Variants in DDX3X observed in about 807,000 individuals in gnomAD.
DDX3X encodes ATP-dependent RNA helicase DDX3X.
In DDX3X, 4 loss-of-function variants were observed where a neutral mutation model predicts 52.7. The observed-to-expected ratio is 0.08, with a 90% CI of 0.04 to 0.17. The LOEUF (loss-of-function observed/expected upper bound fraction) is 0.17, where lower values mean the gene tolerates loss of function less well. DDX3X is among the 10% of genes least tolerant of loss of function. DDX3X has a pLI of 1.00. For missense variants in DDX3X, 222 were observed against 548.6 expected, an observed-to-expected ratio of 0.40 and a Z score of 5.95; for synonymous variants, 192 against 178.1, an observed-to-expected ratio of 1.08 and a Z score of -0.62.
intron 1 of DDX3X, chrX:41,334,861 C>A: frequency 1.5e-6 from 1 of 652,414 alleles, no homozygotes; most frequent in Non-Finnish European, 1.9e-6. Flanking sequence ...GGCGCTGTGG[C>A]TCACCTCCGG....
intron 3 of DDX3X, 108 bp from the exon 4 acceptor site, chrX:41,341,376 G>T: frequency 1.6e-6 from 1 of 616,978 alleles, no homozygotes. Context: ...CAGTGCCATG[G>T]TAGGGATAGT....
intron 14 of DDX3X, 93 bp downstream of exon 14, chrX:41,346,715 G>GAAAGTGACAAAGATTTTGCTC: frequency 1.1e-6 from 1 of 946,575 alleles, no homozygotes; most frequent in East Asian, 3.1e-5. Context: ...TTTTAACAAT[G>GAAAGTGACAAAGATTTTGCTC]AAAGTGACAA....
In DDX3X at chrX:41,356,454, C is replaced by CTTT. The variant is rs760583439; in HGVS notation, c.655-7799_655-7797dup. On this transcript the variant is annotated intron_variant, in intron 5 of 5. Coordinates refer to the DDX3X transcript ENST00000616050. ...GAGCCACCTCGCCTGGCCAGTATTT[C>CTTT]TTTTTTTTTTTTTTTTTTTTTTTGA... Among the ~76,000 whole-genome samples the CTTT allele has an allele frequency of 3.7e-3, 243 of 65,640 alleles. 6 individuals carry two copies. Among genetic ancestry groups the CTTT allele is most frequent in the African/African-American group, 7.8e-3 (114 of 14,589 alleles). The allele number at this position is 65,640 out of a possible 115,157, so 57.0% of individuals were successfully genotyped here.
chrX:41,341,722 G>T, intron 4 of DDX3X, 106 bp downstream of exon 4: 1 of 822,844 alleles, frequency 1.2e-6, no homozygotes, highest in African/African-American at 2.0e-5. Context: ...TTTGGTCATT[G>T]TATTTTCTTA....
chrX:41,364,254 T>C (rs767677075), intron 5 of DDX3X: 4 of 297,262 alleles, frequency 1.3e-5, no homozygotes, highest in Non-Finnish European at 2.4e-5. Context: ...CTTTTGGCTC[T>C]GCTCTTTTTT....
At chrX:41,339,864 A>AT (rs1569235104) in intron 3 of DDX3X, 2 of 108,257 alleles carry the variant, frequency 1.8e-5, no homozygotes, top group Non-Finnish European at 3.8e-5. Context: ...CTGGCAATGC[A>AT]TGGATATAAA....
intron 3 of DDX3X, chrX:41,341,075 TC>T (rs751844528): frequency 1.1e-4 from 21 of 183,302 alleles, no homozygotes; most frequent in African/African-American, 4.2e-4. Flanking sequence ...AACCTCAGCC[TC>T]CCGGGTTCAA....
At chrX:41,338,498 C>T (rs962380706) in intron 2 of DDX3X, 3 of 111,715 alleles carry the variant, frequency 2.7e-5, no homozygotes, top group African/African-American at 9.8e-5. Context: ...TACTCCTGCT[C>T]GCATACAGAG....
At chrX:41,345,047 A>G (rs910354767) in intron 10 of DDX3X, 133 bp from the exon 11 acceptor site, 6 of 613,531 alleles carry the variant, frequency 9.8e-6, no homozygotes, top group Non-Finnish European at 1.5e-5. Flanking sequence ...AGTGTGAGGC[A>G]CCATCTTAAT....
chrX:41,339,820 A>C (rs1480986803), intron 3 of DDX3X: 1 of 110,164 alleles, frequency 9.1e-6, no homozygotes, highest in Non-Finnish European at 1.9e-5. Flanking sequence ...CTGTTCCTCC[A>C]TCTCCATATG....
At position 41,342,812 on chromosome X, in the gene DDX3X, C is replaced by T. The variant is rs2063868685; in HGVS notation, c.519C>T (p.Asn173=). ...YDDIPVEATG[N]NCPPHIESFS... ...ACATTCCAGTTGAGGCAACAGGCAA[C>T]AACTGTCCTCCACATATTGAAAGTG... The change falls in exon 6 of 17, where the codon AAC becomes AAT. Residue 173 remains asparagine (N), a synonymous_variant. Transcript: ENST00000644876. 1 of 1,207,232 alleles carries T rather than the reference C, an allele frequency of 8.3e-7. No individual in the cohort carries two copies. Among genetic ancestry groups the T allele is most frequent in the Non-Finnish European group, 1.1e-6 (1 of 891,382 alleles).
intron 2 of DDX3X, chrX:41,337,947 A>C (rs11542970): frequency 9.0e-6 from 1 of 111,373 alleles, no homozygotes; most frequent in Non-Finnish European, 1.9e-5. Flanking sequence ...TTAACTGACT[A>C]TATTTATTAA....
intron 5 of DDX3X, among the ~76,000 whole-genome samples, chrX:41,360,016 T>C (rs1192749209): frequency 9.3e-6 from 1 of 108,105 alleles, no homozygotes; most frequent in Non-Finnish European, 1.9e-5. Context: ...AATACATAAA[T>C]AAATAAAACC....
chrX:41,361,444 G>A (rs1490725791), intron 5 of DDX3X, among the ~76,000 whole-genome samples: 4 of 110,631 alleles, frequency 3.6e-5, no homozygotes, highest in Non-Finnish European at 5.7e-5. Context: ...CCCGGGAGGC[G>A]GAGGTTGCGG....
At chrX:41,352,186 C>G (rs1193212537), downstream of DDX3X, among the ~76,000 whole-genome samples, 1 of 111,418 alleles carries the variant, frequency 9.0e-6, no homozygotes, top group Non-Finnish European at 1.9e-5. Context: ...TTTCCTCCCC[C>G]CTCTTCAAAG....
At chrX:41,356,033 C>T (rs1391026958) in intron 5 of DDX3X, among the ~76,000 whole-genome samples, 1 of 110,943 alleles carries the variant, frequency 9.0e-6, no homozygotes, top group Non-Finnish European at 1.9e-5. Flanking sequence ...CAAATATTTT[C>T]TCTCAATCAA....
intron 1 of DDX3X, chrX:41,334,567 G>C: frequency 1.8e-6 from 2 of 1,092,061 alleles, no homozygotes; most frequent in Non-Finnish European, 2.4e-6. Flanking sequence ...GGGGGAGGAA[G>C]TGCGCGCGCT....
Position 41,341,631 on chromosome X carries a change from A to G in DDX3X, c.284+15A>G. The G allele has an allele frequency of 8.3e-7, 1 of 1,204,449 alleles. No homozygotes were observed. The highest frequency in any genetic ancestry group is 1.1e-6 in the Non-Finnish European group (1 of 889,448). ...TCAAGGGGAAGGTAAGTGATTTCTTAATCACCTTACGTGTATGTATAATAA... is the reference window on the plus strand; with the variant it reads ...TCAAGGGGAAGGTAAGTGATTTCTTGATCACCTTACGTGTATGTATAATAA... On this transcript the variant is annotated intron_variant, in intron 4 of 16. Transcript: ENST00000644876.
At chrX:41,346,047 T>C (rs1211686681) in intron 12 of DDX3X, among the ~76,000 whole-genome samples, 182 bp from the exon 13 acceptor site, 1 of 111,189 alleles carries the variant, frequency 9.0e-6, no homozygotes, top group Non-Finnish European at 1.9e-5. Context: ...GACCCCCATC[T>C]CTTAAATGTA....
Sources: gnomAD v4.1 joint callset for allele counts (sites outside exome capture counted in the v4.1 genomes callset) on GRCh38, gnomAD v4.1.1 for gene constraint, MANE v1.5 for transcripts, NCBI Gene and HGNC (gene_info 2026-07-23, HGNC 2026-07-21) for gene names.